C14orf39: variants seen among roughly 807,000 people sequenced by gnomAD.
C14orf39 encodes the protein protein SIX6OS1.
Under a neutral mutation model 85.6 loss-of-function variants are expected in C14orf39, and 66 were observed. That is an observed-to-expected ratio of 0.77 (90% CI 0.63 to 0.95). The LOEUF is 0.95. Ranked by LOEUF, C14orf39 falls within the 40% of genes least tolerant of loss-of-function variation. The pLI, the probability that C14orf39 is intolerant of heterozygous loss-of-function variation, is 0.00. For synonymous variants in C14orf39, 242 were observed against 214.0 expected (o/e 1.13, Z -1.14); for missense variants, 735 against 663.9 (o/e 1.11, Z -1.18).
At chr14:60,464,034 G>C (rs1891662361) in intron 11 of C14orf39, among the ~76,000 whole-genome samples, 1 of 152,066 alleles carries the variant, frequency 6.6e-6, no homozygotes, top group South Asian at 2.1e-4. Context: ...TGCAGATAGA[G>C]GTACCCAAAT....
chr14:60,497,667 G>T (rs1893087495), intron 2 of C14orf39, among the ~76,000 whole-genome samples: 2 of 152,168 alleles, frequency 1.3e-5, no homozygotes, highest in Non-Finnish European at 2.9e-5. Flanking sequence ...CTGGAGGTCA[G>T]GAGTTCGAAA....
At chr14:60,483,552 A>G (rs980369840) in intron 4 of C14orf39, 139 bp downstream of exon 4, 3 of 635,308 alleles carry the variant, frequency 4.7e-6, no homozygotes, top group Admixed American at 3.8e-5. Context: ...ATCCCTTTAC[A>G]TAGTGGCATA....
chr14:60,509,745 G>A lies in C14orf39; in HGVS notation c.-144+5650C>T, dbSNP rs746044192. On this transcript the variant is annotated intron_variant, in intron 1 of 5. Transcript: ENST00000556799. ...GGACCTGTGGACAAGTACCGAGTAA[G>A]GAAGAAGTTCCCGCTGCCGCGCACC... is the stretch of plus-strand genomic sequence containing the variant. 1.2e-6 allele frequency: 2 copies of A among 1,613,316 alleles called. No homozygotes were observed. Among genetic ancestry groups the A allele is most frequent in the Non-Finnish European group, 8.5e-7 (1 of 1,179,460 alleles).
chr14:60,514,241 A>T (rs1893331316), intron 1 of C14orf39, among the ~76,000 whole-genome samples: 2 of 152,130 alleles, frequency 1.3e-5, no homozygotes, highest in Admixed American at 1.3e-4. Flanking sequence ...TGGGGGGAAA[A>T]AAAGTCCAGG....
intron 2 of C14orf39, among the ~76,000 whole-genome samples, chr14:60,498,097 TTC>T (rs1893094143): frequency 7.5e-6 from 1 of 134,106 alleles, no homozygotes; most frequent in African/African-American, 2.7e-5. Context: ...CAATTAAATT[TTC>T]TTTGTTTAGT....
intron 15 of C14orf39, 96 bp downstream of exon 15, chr14:60,456,821 C>T: frequency 9.4e-7 from 1 of 1,062,338 alleles, no homozygotes; most frequent in East Asian, 2.7e-5. Context: ...ATAATAAAAA[C>T]TTGTTAAAGG....
chr14:60,510,180 C>A (rs1893269566), intron 1 of C14orf39, among the ~76,000 whole-genome samples: 1 of 152,154 alleles, frequency 6.6e-6, no homozygotes, highest in Non-Finnish European at 1.5e-5. Flanking sequence ...CCCACGCCTG[C>A]GGGCAGCTGC....
intron 17 of C14orf39, among the ~76,000 whole-genome samples, chr14:60,440,335 G>C (rs894311564): frequency 1.3e-4 from 20 of 152,046 alleles, no homozygotes; most frequent in Admixed American, 1.2e-3. Context: ...ATTACGCTTA[G>C]AGCCTTCCAT....
intron 1 of C14orf39, among the ~76,000 whole-genome samples, chr14:60,510,733 G>T (rs561786748): frequency 1.3e-5 from 2 of 152,228 alleles, no homozygotes; most frequent in Non-Finnish European, 2.9e-5. Flanking sequence ...CCCTGGGACC[G>T]ATCTGTCCTT....
rs1210545100 is a variant in C14orf39 at position 60,458,666 on chromosome 14, C to T, written c.1179+12G>A. 6.3e-7 allele frequency: 1 copy of T among 1,579,076 alleles called. No individual in the cohort carries two copies. Among genetic ancestry groups the T allele is most frequent in the Non-Finnish European group, 8.6e-7 (1 of 1,157,212 alleles). ...TTTTGCTTAGAAATTAGAGATCAAA[C>T]ATTTGACTTACTTGTGAAGTACATT... On this transcript the variant is annotated intron_variant, in intron 14 of 17. Transcript: ENST00000321731.
chr14:60,511,015 A>T (rs575350324), intron 1 of C14orf39: 3 of 1,498,284 alleles, frequency 2.0e-6, no homozygotes, highest in East Asian at 2.4e-5. Flanking sequence ...GGGACGCAGG[A>T]GGTGGTGGGG....
At chr14:60,444,718 C>T (rs557348219) in intron 16 of C14orf39, among the ~76,000 whole-genome samples, 276 of 152,188 alleles carry the variant, frequency 1.8e-3, no homozygotes, top group African/African-American at 6.5e-3. Flanking sequence ...AGATACTCCT[C>T]GAAAAGAGCA....
At chr14:60,455,397 C>T (rs1891225205) in intron 15 of C14orf39, among the ~76,000 whole-genome samples, 1 of 151,928 alleles carries the variant, frequency 6.6e-6, no homozygotes, top group South Asian at 2.1e-4. Flanking sequence ...CTATCATTTC[C>T]ATTTTACAGT....
At chr14:60,457,972 T>C (rs1436423810) in intron 14 of C14orf39, among the ~76,000 whole-genome samples, 6 of 151,934 alleles carry the variant, frequency 3.9e-5, no homozygotes. Context: ...TTTGTATATG[T>C]TTTTTTAATT....
chr14:60,460,481 C>G lies in C14orf39; in HGVS notation c.1117+873G>C, dbSNP rs910580777. 2.2e-4 allele frequency among the ~76,000 whole-genome samples: 33 copies of G among 151,814 alleles called. 1 individual carries two copies. Reference sequence around the variant, plus strand: ...ATTCTAAATATATATCTATTTCATGCTGTCAGAATAAGGCATTTTTAAAAC... The same window carrying G: ...ATTCTAAATATATATCTATTTCATGGTGTCAGAATAAGGCATTTTTAAAAC... On this transcript the variant is annotated intron_variant, in intron 13 of 17. Transcript: ENST00000321731.
rs760694023 is a variant in C14orf39 at position 60,484,482 on chromosome 14, A to G, written c.106+399T>C. Among the ~76,000 whole-genome samples the G allele has an allele frequency of 6.6e-6, 1 of 151,904 alleles. No homozygotes were observed. Among genetic ancestry groups the G allele is most frequent in the Non-Finnish European group, 1.5e-5 (1 of 68,002 alleles). The stretch of plus-strand genomic sequence containing the variant: ...GCCTTGCTATTTCTCTGATAACATT[A>G]TTTTTCAGAATTATTATTCCTGAAA... On this transcript the variant is annotated intron_variant, in intron 3 of 17. Coordinates refer to ENST00000321731, the MANE Select transcript of C14orf39 (RefSeq NM_174978.3). This position sits in a 1 kb window ranked among gnomAD's most constrained non-coding sequence, Gnocchi z 4.2.
rs1257170606 is a variant in C14orf39, at chr14:60,495,595, T to C, written c.-9+3701A>G. The C allele has an allele frequency of 1.3e-5, 3 of 224,098 alleles. No homozygotes were observed. In the East Asian group the frequency reaches 3.0e-4, roughly 23 times the overall value. 13.9% of individuals were successfully genotyped at this position (224,098 alleles called of 1,614,324 possible). On this transcript the variant is annotated intron_variant, in intron 2 of 5. Transcript: ENST00000556799. ...CCTGCTCCCATTTTGTCCTGGAACT[T>C]GGCAAACAGCTGAAGGTTTGCCTTT...
At chr14:60,485,183 A>C in intron 1 of C14orf39, 97 bp from the exon 2 acceptor site, 5 of 1,005,194 alleles carry the variant, frequency 5.0e-6, no homozygotes, top group Non-Finnish European at 7.3e-6. Flanking sequence ...CATTCTTCAC[A>C]GGAACATGTG....
chr14:60,443,567 T>C (rs1890623999), intron 16 of C14orf39, among the ~76,000 whole-genome samples: 1 of 152,212 alleles, frequency 6.6e-6, no homozygotes, highest in African/African-American at 2.4e-5. Flanking sequence ...GCCTACTGCC[T>C]CTATAGACTC....
Sources: gnomAD v4.1 joint callset for allele counts (sites outside exome capture counted in the v4.1 genomes callset) on GRCh38, gnomAD v4.1.1 for gene constraint, Gnocchi (gnomAD v3.1) non-coding constraint, MANE v1.5 for transcripts, NCBI Gene and HGNC (gene_info 2026-07-23, HGNC 2026-07-21) for gene names.